Variants in BICD2 observed in about 807,000 individuals in gnomAD.
BICD2 encodes the protein BICD cargo adaptor 2, also known as protein bicaudal D homolog 2.
A neutral mutation model predicts 72.9 loss-of-function variants in BICD2; 25 were observed. The observed-to-expected ratio is 0.34, with a 90% CI of 0.25 to 0.48. BICD2 has a LOEUF of 0.48. Ranked by LOEUF, BICD2 falls within the 20% of genes least tolerant of loss-of-function variation. The pLI is 0.99. For synonymous variants in BICD2, 501 were observed against 516.1 expected (o/e 0.97, Z 0.40); for missense variants, 894 against 1,175.2 (o/e 0.76, Z 3.50).
chr9:92,757,657 A>C (rs1854288757), intron 1 of BICD2, among the ~76,000 whole-genome samples: 2 of 151,724 alleles, frequency 1.3e-5, no homozygotes, highest in African/African-American at 4.8e-5. Flanking sequence ...CAGTAAGCCG[A>C]GATCGCGCCA....
chr9:92,721,576 C>T (rs1334101646), intron 3 of BICD2, among the ~76,000 whole-genome samples: 4 of 152,238 alleles, frequency 2.6e-5, no homozygotes, highest in Non-Finnish European at 5.9e-5. Context: ...GTGCTGAGCA[C>T]ATCTCTGTGG....
intron 1 of BICD2, among the ~76,000 whole-genome samples, chr9:92,731,534 G>A (rs906475217): frequency 6.6e-6 from 1 of 151,852 alleles, no homozygotes; most frequent in Non-Finnish European, 1.5e-5. Context: ...TAAATAATAA[G>A]CAGTGGTTTT....
rs759948504 is a variant in BICD2 at position 92,764,748 on chromosome 9, G to C, written c.-4C>G. The C allele has an allele frequency of 1.9e-6, 3 of 1,558,490 alleles. No homozygotes were observed. Among genetic ancestry groups the C allele is most frequent in the South Asian group, 1.2e-5 (1 of 85,592 alleles). On this transcript the variant is annotated 5_prime_UTR_variant, in exon 1 of 7. Transcript: ENST00000356884. The surrounding 1 kb of genome is among the most constrained non-coding windows in gnomAD (Gnocchi z 5.5). ...CCTCCTCCGACGGCGCCGACATGGT[G>C]GCCGAGGGCTGAGCCGGCTCCCACT...
rs1278210597 is a variant in BICD2 at position 92,713,588 on chromosome 9, T to A, written c.*1566A>T. On this transcript the variant is annotated 3_prime_UTR_variant, in exon 7 of 7. Transcript: ENST00000356884. Reference sequence around the variant, plus strand: ...TAGTTGGCAGAAGAGAAGACCTGCATGTGTTAGCAGGGGTCCCAGTGGCTT... The same window carrying A: ...TAGTTGGCAGAAGAGAAGACCTGCAAGTGTTAGCAGGGGTCCCAGTGGCTT... 1.8e-5 allele frequency: 27 copies of A among 1,537,300 alleles called. No homozygotes were observed. Among genetic ancestry groups the A allele is most frequent in the Non-Finnish European group, 2.2e-5 (25 of 1,138,214 alleles).
intron 1 of BICD2, among the ~76,000 whole-genome samples, chr9:92,761,578 C>T (rs757382267): frequency 1.3e-5 from 2 of 152,228 alleles, no homozygotes; most frequent in African/African-American, 4.8e-5. Flanking sequence ...ACCACATGGG[C>T]ACCTAGCCTT....
In BICD2 at chr9:92,758,065, G is replaced by A. The variant is rs556707070; in HGVS notation, c.240+6440C>T. Among the ~76,000 whole-genome samples the A allele has an allele frequency of 2.7e-4, 41 of 152,064 alleles. No individual in the cohort carries two copies. In the South Asian group the frequency reaches 3.5e-3, roughly 13 times the overall value. ...CTAAAAATACAAAAATTAGCCGGGC[G>A]TGGTGGTGGGCTCCTGTAATCCCAG... On this transcript the variant is annotated intron_variant, in intron 1 of 6. Coordinates refer to ENST00000356884, the MANE Select transcript of BICD2 (RefSeq NM_001003800.2).
At chr9:92,751,083 G>A (rs941298404) in intron 1 of BICD2, among the ~76,000 whole-genome samples, 1 of 151,616 alleles carries the variant, frequency 6.6e-6, no homozygotes. Flanking sequence ...GCTAATTTTT[G>A]TATTTTTAGT....
At position 92,711,945 on chromosome 9, in the gene BICD2, G is replaced by C. The variant is rs1392276755; in HGVS notation, c.*3209C>G. The stretch of plus-strand genomic sequence containing the variant: ...CCTCACTCAGCAAACAAAACAGGAT[G>C]TAGACCTGGTTTGCTAAGGAGTTTT... On this transcript the variant is annotated 3_prime_UTR_variant, in exon 7 of 7. Transcript: ENST00000356884. The C allele has an allele frequency of 6.6e-6, 1 of 152,572 alleles. No individual in the cohort carries two copies. The highest frequency in any genetic ancestry group is 1.5e-5 in the Non-Finnish European group (1 of 68,038). 9.5% of individuals were successfully genotyped at this position (152,572 alleles called of 1,614,324 possible).
chr9:92,751,213 C>T (rs553234892), intron 1 of BICD2, among the ~76,000 whole-genome samples: 2 of 151,696 alleles, frequency 1.3e-5, no homozygotes, highest in East Asian at 3.9e-4. Context: ...TGCAGTGGTA[C>T]AATCTCGGCT....
intron 1 of BICD2, among the ~76,000 whole-genome samples, chr9:92,736,039 T>C (rs1853781446): frequency 6.6e-6 from 1 of 152,216 alleles, no homozygotes; most frequent in South Asian, 2.1e-4. Flanking sequence ...CAACTCCATC[T>C]TGAATAGGGA....
intron 4 of BICD2, 92 bp from the exon 5 acceptor site, chr9:92,719,674 C>G (rs1853418544): frequency 7.4e-7 from 1 of 1,355,676 alleles, no homozygotes; most frequent in African/African-American, 1.5e-5. Flanking sequence ...ACATCCCACC[C>G]CATGTCAGGG....
chr9:92,729,142 T>C lies in BICD2; in HGVS notation c.335A>G (p.Gln112Arg), dbSNP rs1187130061. ...CTCTAGCACCTTCCGCACGTAGTACTGCTCCTTGGAGGCCGACTCCTGGAT... is the reference window on the plus strand; with the variant it reads ...CTCTAGCACCTTCCGCACGTAGTACCGCTCCTTGGAGGCCGACTCCTGGAT... ...SLIQESASKEQYYVRKVLELQ... is the reference protein window; with the variant it reads ...SLIQESASKERYYVRKVLELQ... The change falls in exon 2 of 7, where the codon CAG becomes CGG. Residue 112 changes from glutamine to arginine, a missense_variant. This residue lies in a region of BICD2 where 192 missense variants were observed against 243.6 expected (regional missense o/e 0.79). Coordinates refer to ENST00000356884, the MANE Select transcript of BICD2 (RefSeq NM_001003800.2). 1 of 1,614,142 alleles carries C rather than the reference T, an allele frequency of 6.2e-7. No individual in the cohort carries two copies. The highest frequency in any genetic ancestry group is 8.5e-7 in the Non-Finnish European group (1 of 1,180,062).
chr9:92,729,254 A>T lies in BICD2; in HGVS notation c.241-18T>A. ...CCAAAGGCCTGCATCAGAAGACAAGACACTCGTGAGGTGGGCCTCCCAGGG... is the reference window on the plus strand; with the variant it reads ...CCAAAGGCCTGCATCAGAAGACAAGTCACTCGTGAGGTGGGCCTCCCAGGG... On this transcript the variant is annotated intron_variant, in intron 1 of 6. Transcript: ENST00000356884. 1 of 1,613,230 alleles carries T rather than the reference A, an allele frequency of 6.2e-7. No homozygotes were observed. Among genetic ancestry groups the T allele is most frequent in the Non-Finnish European group, 8.5e-7 (1 of 1,179,408 alleles).
intron 1 of BICD2, among the ~76,000 whole-genome samples, chr9:92,749,766 G>A (rs1361712908): frequency 6.6e-6 from 1 of 152,244 alleles, no homozygotes; most frequent in Non-Finnish European, 1.5e-5. Context: ...CCAAGACACA[G>A]AAGCCAGTCC....
At chr9:92,732,717 T>G (rs1432128875) in intron 1 of BICD2, among the ~76,000 whole-genome samples, 1 of 152,160 alleles carries the variant, frequency 6.6e-6, no homozygotes, top group Non-Finnish European at 1.5e-5. Flanking sequence ...CTGAAAACTG[T>G]TCACAAATAG....
intron 1 of BICD2, among the ~76,000 whole-genome samples, chr9:92,758,777 C>G (rs1854315337): frequency 1.3e-5 from 2 of 151,710 alleles, no homozygotes; most frequent in East Asian, 1.9e-4. Context: ...TCGCTGGAAC[C>G]TGGGAGGCGG....
At chr9:92,732,150 T>C (rs910534398) in intron 1 of BICD2, among the ~76,000 whole-genome samples, 3 of 152,124 alleles carry the variant, frequency 2.0e-5, no homozygotes, top group Admixed American at 1.3e-4. Context: ...AAGATCCAGA[T>C]AGAACTTCTA....
intron 3 of BICD2, 55 bp downstream of exon 3, chr9:92,722,601 C>T: frequency 6.2e-7 from 1 of 1,609,542 alleles, no homozygotes; most frequent in Non-Finnish European, 8.5e-7. Context: ...AGCAAGAGGT[C>T]CTCAAGGCCC....
intron 1 of BICD2, among the ~76,000 whole-genome samples, chr9:92,752,893 G>A (rs1335876108): frequency 2.6e-5 from 4 of 152,200 alleles, no homozygotes; most frequent in Non-Finnish European, 5.9e-5. Flanking sequence ...AAGAGGTGGA[G>A]CAAACTCCCT....
Sources: allele counts gnomAD v4.1 joint callset (sites outside exome capture counted in the v4.1 genomes callset), GRCh38; gene constraint gnomAD v4.1.1; regional missense constraint gnomAD v4.1.1; non-coding constraint Gnocchi (gnomAD v3.1); transcripts MANE v1.5; gene names NCBI Gene and HGNC (gene_info 2026-07-23, HGNC 2026-07-21).